SH3PXD2A: variants seen among roughly 807,000 people sequenced by gnomAD.
SH3PXD2A encodes the protein SH3 and PX domain-containing protein 2A.
In SH3PXD2A, 32 loss-of-function variants were observed where a neutral mutation model predicts 115.2. That is an observed-to-expected ratio of 0.28 (90% CI 0.21 to 0.37). SH3PXD2A has a LOEUF of 0.37. SH3PXD2A is among the 10% of genes least tolerant of loss of function. SH3PXD2A has a pLI of 1.00. For missense variants in SH3PXD2A, 1,328 were observed against 1,498.7 expected, an observed-to-expected ratio of 0.89 and a Z score of 1.88; for synonymous variants, 610 against 629.1, an observed-to-expected ratio of 0.97 and a Z score of 0.45.
intron 2 of SH3PXD2A, among the ~76,000 whole-genome samples, chr10:103,789,556 C>CA (rs757751216): frequency 6.6e-6 from 1 of 150,898 alleles, no homozygotes; most frequent in African/African-American, 2.4e-5. Flanking sequence ...CACACACACA[C>CA]AACACTCACC....
At chr10:103,741,305 C>T (rs796627460) in intron 3 of SH3PXD2A, among the ~76,000 whole-genome samples, 85 of 152,316 alleles carry the variant, frequency 5.6e-4, no homozygotes, top group African/African-American at 2.0e-3. Context: ...TCTAAGTGCC[C>T]TTGGGCCTGC....
At chr10:103,676,744 C>T (rs1356096095) in intron 6 of SH3PXD2A, among the ~76,000 whole-genome samples, 2 of 152,088 alleles carry the variant, frequency 1.3e-5, no homozygotes, top group Non-Finnish European at 2.9e-5. Flanking sequence ...GGGTTGCGGC[C>T]TCCCCCTCAG....
At chr10:103,822,225 ATTAT>A (rs1176496603) in intron 1 of SH3PXD2A, among the ~76,000 whole-genome samples, 1 of 152,204 alleles carries the variant, frequency 6.6e-6, no homozygotes, top group Non-Finnish European at 1.5e-5. Flanking sequence ...TATTTGTGTA[ATTAT>A]TTCTCTTGAG....
At chr10:103,671,358 C>T (rs192200557) in intron 6 of SH3PXD2A, among the ~76,000 whole-genome samples, 11 of 152,310 alleles carry the variant, frequency 7.2e-5, no homozygotes, top group African/African-American at 2.2e-4. Context: ...AAAAGGGGGC[C>T]GGACATGGCC....
intron 6 of SH3PXD2A, among the ~76,000 whole-genome samples, chr10:103,672,163 T>C (rs1245813259): frequency 6.6e-6 from 1 of 152,210 alleles, no homozygotes; most frequent in African/African-American, 2.4e-5. Context: ...TGAGCATCTG[T>C]AATCCCAGCT....
intron 8 of SH3PXD2A, among the ~76,000 whole-genome samples, chr10:103,633,756 G>T (rs867280715): frequency 2.5e-4 from 20 of 80,094 alleles, no homozygotes; most frequent in Non-Finnish European, 4.1e-4. Context: ...AAAAAAAAAA[G>T]ACTCAGCTCC....
chr10:103,681,840 C>T (rs774300631), intron 6 of SH3PXD2A, among the ~76,000 whole-genome samples: 5 of 152,074 alleles, frequency 3.3e-5, no homozygotes, highest in Non-Finnish European at 7.4e-5. Context: ...TTTGGGAGGC[C>T]GAGGTGGGTG....
intron 6 of SH3PXD2A, among the ~76,000 whole-genome samples, chr10:103,675,867 C>A (rs1026631029): frequency 6.6e-6 from 1 of 152,074 alleles, no homozygotes; most frequent in African/African-American, 2.4e-5. Context: ...ACATGTTAAA[C>A]CCCATCTCTA....
intron 8 of SH3PXD2A, among the ~76,000 whole-genome samples, chr10:103,655,183 G>T (rs1421018776): frequency 6.6e-6 from 1 of 152,188 alleles, no homozygotes; most frequent in African/African-American, 2.4e-5. Flanking sequence ...CTGATGGCTG[G>T]GACAGGACCT....
intron 1 of SH3PXD2A, among the ~76,000 whole-genome samples, chr10:103,817,220 C>T (rs2039333534): frequency 6.6e-6 from 1 of 151,518 alleles, no homozygotes; most frequent in African/African-American, 2.4e-5. Flanking sequence ...AAACTTACGT[C>T]GTGGGGCTTT....
At chr10:103,669,869 C>T (rs554654860) in intron 6 of SH3PXD2A, among the ~76,000 whole-genome samples, 2 of 152,366 alleles carry the variant, frequency 1.3e-5, no homozygotes, top group African/African-American at 4.8e-5. Flanking sequence ...AGCATTTCCC[C>T]TTTGCCAAGC....
At chr10:103,814,012 AAAAC>A (rs1564895787) in intron 1 of SH3PXD2A, among the ~76,000 whole-genome samples, 2 of 142,828 alleles carry the variant, frequency 1.4e-5, no homozygotes, top group Admixed American at 7.1e-5. Flanking sequence ...AAAAAAAAAA[AAAAC>A]AACAAAAAAA....
intron 9 of SH3PXD2A, among the ~76,000 whole-genome samples, chr10:103,625,094 T>A (rs144554562): frequency 6.6e-6 from 1 of 152,292 alleles, no homozygotes; most frequent in African/African-American, 2.4e-5. Context: ...GGCTGCCTGA[T>A]TCTTCCTCCA....
intron 8 of SH3PXD2A, among the ~76,000 whole-genome samples, chr10:103,635,530 G>A (rs182030876): frequency 2.1e-3 from 316 of 152,314 alleles, no homozygotes; most frequent in African/African-American, 7.1e-3. Flanking sequence ...CCAGGGGAGG[G>A]GCTACCATGC....
intron 6 of SH3PXD2A, among the ~76,000 whole-genome samples, chr10:103,681,359 C>T (rs1409845678): frequency 6.6e-6 from 1 of 152,220 alleles, no homozygotes; most frequent in Non-Finnish European, 1.5e-5. Flanking sequence ...TTGGGGATGC[C>T]AATCCCCCTG....
At position 103,600,617 on chromosome 10, in the gene SH3PXD2A, C is replaced by T. The variant is rs916838165; in HGVS notation, c.*1199G>A. The T allele has an allele frequency of 3.3e-5, 5 of 152,266 alleles. No homozygotes were observed. The highest frequency in any genetic ancestry group is 6.5e-5 in the Admixed American group (1 of 15,294). 9.4% of individuals were successfully genotyped at this position (152,266 alleles called of 1,614,324 possible). A position where few individuals can be genotyped will look rare whatever the true frequency, so the allele number is the denominator to read the frequency against. On this transcript the variant is annotated 3_prime_UTR_variant, in exon 15 of 15. Transcript: ENST00000369774. ...TGGGAGCTGCCTTCTCTCCAAAAGT[C>T]TGGCTCCTGAACACCCTCCTCCTTC... is the stretch of plus-strand genomic sequence containing the variant.
chr10:103,796,384 T>TAA (rs768901709), intron 2 of SH3PXD2A, among the ~76,000 whole-genome samples: 124 of 142,046 alleles, frequency 8.7e-4, no homozygotes, highest in African/African-American at 2.9e-3. Flanking sequence ...TAAATAAAAG[T>TAA]AAAAAAAAAA....
chr10:103,648,360 G>C (rs182801583), intron 8 of SH3PXD2A, among the ~76,000 whole-genome samples: 2 of 152,142 alleles, frequency 1.3e-5, no homozygotes, highest in Non-Finnish European at 2.9e-5. Context: ...TGAGAAGGAC[G>C]GGGGAGGGGG....
chr10:103,792,261 G>A (rs899149156), intron 2 of SH3PXD2A, among the ~76,000 whole-genome samples: 3 of 152,248 alleles, frequency 2.0e-5, no homozygotes, highest in Non-Finnish European at 2.9e-5. Flanking sequence ...AGGGAAATAG[G>A]TTTGTAGTTA....
Sources: gnomAD v4.1 joint callset for allele counts (sites outside exome capture counted in the v4.1 genomes callset) on GRCh38, gnomAD v4.1.1 for gene constraint, MANE v1.5 for transcripts, NCBI Gene and HGNC (gene_info 2026-07-23, HGNC 2026-07-21) for gene names.